EIPR1: variants seen among roughly 807,000 people sequenced by gnomAD.
The protein encoded by EIPR1 is EARP complex and GARP complex interacting protein 1, also known as EARP and GARP complex-interacting protein 1.
EIPR1 carries 25 observed loss-of-function variants against 48.1 expected under a neutral mutation model. The observed-to-expected ratio is 0.52, with a 90% CI of 0.38 to 0.73. EIPR1 has a LOEUF of 0.73. EIPR1 is among the 30% of genes least tolerant of loss of function. EIPR1 has a pLI of 0.00. For synonymous variants in EIPR1, 204 were observed against 201.9 expected (o/e 1.01, Z -0.09); for missense variants, 415 against 506.2 (o/e 0.82, Z 1.73).
In EIPR1 at chr2:3,196,953, G is replaced by C. The variant is rs1299595586; in HGVS notation, c.581C>G (p.Pro194Arg). Reference sequence around the variant, plus strand: ...GGCCACCTGGGTGCAGTTATGATGTGGGCTCCACCGTCCTGAGGTGAACTT... The same window carrying C: ...GGCCACCTGGGTGCAGTTATGATGTCGGCTCCACCGTCCTGAGGTGAACTT... ...QLKFTSGRWS[P>R]HHNCTQVATA... The change falls in exon 6 of 9, where the codon CCA (proline) becomes CGA (arginine). Residue 194 changes from proline (P) to arginine (R), a missense_variant. Physicochemically the swap from Pro to Arg is moderately radical, Grantham distance 103. Transcript: ENST00000382125. 6.2e-7 allele frequency: 1 copy of C among 1,613,982 alleles called. No homozygotes were observed. The highest frequency in any genetic ancestry group is 1.7e-5 in the Admixed American group (1 of 60,026).
intron 1 of EIPR1, among the ~76,000 whole-genome samples, chr2:3,367,936 TC>T (rs1671015890): frequency 6.6e-6 from 1 of 152,052 alleles, no homozygotes; most frequent in South Asian, 2.1e-4. Context: ...ACCCAGCTAC[TC>T]AGGAGGCTGA....
At chr2:3,263,150 C>T (rs1031467192) in intron 3 of EIPR1, among the ~76,000 whole-genome samples, 5 of 152,306 alleles carry the variant, frequency 3.3e-5, no homozygotes, top group Middle Eastern at 3.4e-3. Context: ...GCTCAGGAGA[C>T]GGCTGGGAGA....
chr2:3,347,322 T>G (rs11686347), intron 2 of EIPR1, among the ~76,000 whole-genome samples: 1 of 152,206 alleles, frequency 6.6e-6, no homozygotes, highest in African/African-American at 2.4e-5. Context: ...TGAATTCCCA[T>G]GTGTTGTGGG....
chr2:3,373,903 A>C (rs1165092157), intron 1 of EIPR1, among the ~76,000 whole-genome samples: 6 of 151,926 alleles, frequency 3.9e-5, no homozygotes, highest in Non-Finnish European at 7.4e-5. Context: ...GGAACCAAAA[A>C]AGAGCCCTCA....
At chr2:3,199,776 CAG>C (rs1437544840) in intron 5 of EIPR1, among the ~76,000 whole-genome samples, 15 of 9,684 alleles carry the variant, frequency 1.5e-3, no homozygotes, top group Admixed American at 9.9e-3. Flanking sequence ...GCAGAGGTGA[CAG>C]GGGTGTGTCT....
At chr2:3,342,840 C>A (rs1434760998) in intron 2 of EIPR1, among the ~76,000 whole-genome samples, 1 of 152,200 alleles carries the variant, frequency 6.6e-6, no homozygotes, top group Non-Finnish European at 1.5e-5. Context: ...TCCCACATAT[C>A]CTTATTTTAT....
chr2:3,225,242 G>GTGTGTA (rs1326354231), intron 4 of EIPR1, among the ~76,000 whole-genome samples: 3 of 151,086 alleles, frequency 2.0e-5, no homozygotes, highest in Non-Finnish European at 1.5e-5. Context: ...GTGTGTGTGT[G>GTGTGTA]TGTGTGTGTG....
At chr2:3,355,519 A>C (rs1670700959) in intron 1 of EIPR1, among the ~76,000 whole-genome samples, 1 of 152,232 alleles carries the variant, frequency 6.6e-6, no homozygotes, top group African/African-American at 2.4e-5. Context: ...AAAAATAGCC[A>C]GTCATAAGGC....
intron 4 of EIPR1, among the ~76,000 whole-genome samples, chr2:3,247,827 A>G (rs1423401264): frequency 6.6e-6 from 1 of 152,248 alleles, no homozygotes; most frequent in Middle Eastern, 3.2e-3. Context: ...ACTCTTGGAA[A>G]GTAAAAATTT....
Position 3,189,331 on chromosome 2 carries a change from G to A in EIPR1, c.*3C>T, listed in dbSNP as rs1664518285. ...TGGGACCTGGATAACCCAGGCCCGG[G>A]AGTCATAGCAGGATGTGGTACTTCA... On this transcript the variant is annotated 3_prime_UTR_variant, in exon 9 of 9. Coordinates refer to ENST00000382125, the MANE Select transcript of EIPR1 (RefSeq NM_003310.5). The surrounding 1 kb of genome is among the most constrained non-coding windows in gnomAD (Gnocchi z 4.6). 2 of 1,574,294 alleles carry A rather than the reference G, an allele frequency of 1.3e-6. No individual in the cohort carries two copies. The highest frequency in any genetic ancestry group is 2.3e-5 in the East Asian group (1 of 43,792).
chr2:3,364,264 G>C (rs560947399), intron 1 of EIPR1, among the ~76,000 whole-genome samples: 14 of 152,234 alleles, frequency 9.2e-5, no homozygotes, highest in African/African-American at 3.4e-4. Flanking sequence ...ATCAACCTAA[G>C]TGCCCATCAA....
chr2:3,239,121 G>C (rs1052975652), intron 4 of EIPR1, among the ~76,000 whole-genome samples: 1 of 152,226 alleles, frequency 6.6e-6, no homozygotes, highest in Non-Finnish European at 1.5e-5. Context: ...CTGCACAGCA[G>C]ACCCCACCCG....
At chr2:3,330,959 CA>C (rs1305222968) in intron 3 of EIPR1, among the ~76,000 whole-genome samples, 291 of 151,218 alleles carry the variant, frequency 1.9e-3, no homozygotes, top group South Asian at 4.2e-3. Context: ...TGAGCAGAGG[CA>C]AGCGCATGTA....
chr2:3,219,378 T>C (rs13010145), intron 4 of EIPR1, among the ~76,000 whole-genome samples: 131,410 of 142,060 alleles, frequency 0.93, 61,066 homozygotes, highest in East Asian at 0.98. Flanking sequence ...ACACCCAACA[T>C]GGCCCTGATA....
intron 4 of EIPR1, among the ~76,000 whole-genome samples, chr2:3,224,885 T>C (rs895098013): frequency 1.3e-5 from 2 of 152,112 alleles, no homozygotes; most frequent in Non-Finnish European, 2.9e-5. Flanking sequence ...TCATGAGATA[T>C]CTGAATCCCA....
intron 3 of EIPR1, among the ~76,000 whole-genome samples, chr2:3,269,204 ACACTCAATCATCG>A (rs879502971): frequency 6.3e-4 from 95 of 151,836 alleles, no homozygotes; most frequent in Middle Eastern, 3.4e-3. Context: ...CTCAATCATC[ACACTCAATCATCG>A]CACTCAATCA....
chr2:3,224,738 A>C (rs1666004457), intron 4 of EIPR1, among the ~76,000 whole-genome samples: 1 of 152,216 alleles, frequency 6.6e-6, no homozygotes, highest in South Asian at 2.1e-4. Flanking sequence ...TCCCTCAGTA[A>C]CAGCACTGCA....
chr2:3,301,298 A>C (rs901745875), intron 3 of EIPR1: 13 of 152,216 alleles, frequency 8.5e-5, no homozygotes, highest in Non-Finnish European at 1.9e-4. Flanking sequence ...TGACCCCTTC[A>C]CAACAACAAG....
intron 1 of EIPR1, among the ~76,000 whole-genome samples, chr2:3,370,130 G>T (rs969416292): frequency 1.8e-4 from 28 of 152,318 alleles, no homozygotes; most frequent in South Asian, 1.4e-3. Flanking sequence ...GGCAAACAGG[G>T]TCTGGAGTGG....
Sources: allele counts gnomAD v4.1 joint callset (sites outside exome capture counted in the v4.1 genomes callset), GRCh38; gene constraint gnomAD v4.1.1; non-coding constraint Gnocchi (gnomAD v3.1); transcripts MANE v1.5; gene names NCBI Gene and HGNC (gene_info 2026-07-23, HGNC 2026-07-21).